Variants in DKK4 observed in about 807,000 individuals in gnomAD.
DKK4 encodes dickkopf Wnt signaling pathway inhibitor 4.
DKK4 carries 15 observed loss-of-function variants against 14.5 expected under a neutral mutation model. That is an observed-to-expected ratio of 1.03 (90% CI 0.69 to 1.59). DKK4 has a LOEUF of 1.59. Among genes scored for constraint, DKK4 ranks in the 40% most tolerant of loss-of-function variants. DKK4 has a pLI of 0.00. For missense variants in DKK4, 272 were observed against 280.3 expected (o/e 0.97, Z 0.21); for synonymous variants, 89 against 105.2 (o/e 0.85, Z 0.94).
chr8:42,375,686 C>T lies in DKK4; in HGVS notation c.256G>A (p.Val86Met), dbSNP rs114758407. 1 of 1,613,406 alleles carries T rather than the reference C, an allele frequency of 6.2e-7. No homozygotes were observed. The highest frequency in any genetic ancestry group is 1.3e-5 in the African/African-American group (1 of 75,010). The part of the protein sequence containing the change: ...DAMCCPGTLC[V>M]NDVCTTMEDA... ...TTGGCGTTATGTCGCTCACCGTTCA[C>T]ACAGAGTGTCCCAGGGCAGCACATG... Residue 86 changes from valine (V) to methionine (M), a missense_variant, in exon 2 of 4, where the codon GTG becomes ATG. Transcript: ENST00000220812.
At chr8:42,383,397 T>A in the DKK4 span, among the ~76,000 whole-genome samples, 4 of 152,264 alleles carry the variant, frequency 2.6e-5, no homozygotes, top group Non-Finnish European at 5.9e-5. Flanking sequence ...ACCAGTGTTC[T>A]GGGAGATTGG....
At chr8:42,379,370 TATATATATAGAGAG>T (rs1395215373), upstream of DKK4, among the ~76,000 whole-genome samples, 7 of 50,934 alleles carry the variant, frequency 1.4e-4, no homozygotes, top group African/African-American at 3.2e-4. Flanking sequence ...TATATATATA[TATATATATAGAGAG>T]AGAGAGAGAG....
chr8:42,381,734 A>C (rs1307235271), upstream of DKK4, among the ~76,000 whole-genome samples: 3 of 152,352 alleles, frequency 2.0e-5, no homozygotes, highest in Non-Finnish European at 2.9e-5. Context: ...GCGGTGGCTC[A>C]CGCCTGTAAT....
chr8:42,384,255 G>A, the DKK4 span, among the ~76,000 whole-genome samples: 52 of 152,204 alleles, frequency 3.4e-4, no homozygotes, highest in Middle Eastern at 6.8e-3. Context: ...TCAAACTCCT[G>A]AGCTCAGCTC....
At chr8:42,387,999 A>G in the DKK4 span, among the ~76,000 whole-genome samples, 1 of 152,148 alleles carries the variant, frequency 6.6e-6, no homozygotes, top group African/African-American at 2.4e-5. Context: ...GGCTCAAGCC[A>G]TCCATCCTTC....
At position 42,374,928 on chromosome 8, in the gene DKK4, G is replaced by T; in HGVS notation, c.263-15C>A. On this transcript the variant is annotated splice_polypyrimidine_tract_variant and intron_variant, in intron 2 of 3. Coordinates refer to ENST00000220812, the MANE Select transcript of DKK4 (RefSeq NM_014420.3). ...AGTACAAACATCTGAGGGACAACCA[G>T]GTGTAACTAGAATTATTAACTTCAA... 6.2e-7 allele frequency: 1 copy of T among 1,613,888 alleles called. No individual in the cohort carries two copies. Among genetic ancestry groups the T allele is most frequent in the Non-Finnish European group, 8.5e-7 (1 of 1,179,870 alleles).
At chr8:42,376,231 C>G (rs1421996127) in intron 1 of DKK4, among the ~76,000 whole-genome samples, 1 of 152,114 alleles carries the variant, frequency 6.6e-6, no homozygotes, top group Non-Finnish European at 1.5e-5. Context: ...ATTTTTTACT[C>G]TAGTGAATCA....
At position 42,375,689 on chromosome 8, in the gene DKK4, A is replaced by C. The variant is rs1404152000; in HGVS notation, c.253T>G (p.Cys85Gly). 6.2e-7 allele frequency: 1 copy of C among 1,613,454 alleles called. No homozygotes were observed. The highest frequency in any genetic ancestry group is 8.5e-7 in the Non-Finnish European group (1 of 1,180,016). The change falls in exon 2 of 4, where the codon TGT becomes GGT. Residue 85 changes from cysteine to glycine, a missense_variant. Transcript: ENST00000220812. ...RDAMCCPGTL[C>G]VNDVCTTMED... ...GCGTTATGTCGCTCACCGTTCACAC[A>C]GAGTGTCCCAGGGCAGCACATGGCA...
At chr8:42,384,067 C>T in the DKK4 span, among the ~76,000 whole-genome samples, 1 of 152,200 alleles carries the variant, frequency 6.6e-6, no homozygotes, top group Non-Finnish European at 1.5e-5. Context: ...TGCCACGCTG[C>T]GGCTGACATG....
At chr8:42,374,533 A>T (rs1158976672) in intron 3 of DKK4, among the ~76,000 whole-genome samples, 174 bp from the exon 4 acceptor site, 1 of 150,408 alleles carries the variant, frequency 6.6e-6, no homozygotes, top group Non-Finnish European at 1.5e-5. Context: ...TGCCATGGCG[A>T]CTCCACCCCT....
upstream of DKK4, among the ~76,000 whole-genome samples, chr8:42,379,436 G>C (rs1824632078): frequency 7.5e-6 from 1 of 133,888 alleles, no homozygotes; most frequent in Non-Finnish European, 1.6e-5. Context: ...GAAAGATTCA[G>C]ACAGAAAACT....
chr8:42,387,374 T>TTTTTTTGG, the DKK4 span, among the ~76,000 whole-genome samples: 1 of 134,828 alleles, frequency 7.4e-6, no homozygotes, highest in Non-Finnish European at 1.5e-5. Flanking sequence ...TTTTTTTTTT[T>TTTTTTTGG]GAGATGGAGT....
At chr8:42,376,099 G>GA (rs1237659937) in intron 1 of DKK4, among the ~76,000 whole-genome samples, 9 of 152,216 alleles carry the variant, frequency 5.9e-5, no homozygotes, top group African/African-American at 1.9e-4. Flanking sequence ...GTGAAAATGG[G>GA]AAAAAATGTT....
chr8:42,389,965 C>T, the DKK4 span, among the ~76,000 whole-genome samples: 1 of 146,820 alleles, frequency 6.8e-6, no homozygotes, highest in African/African-American at 2.7e-5. Context: ...GATCTTGGCT[C>T]ACTGCAACGT....
chr8:42,381,063 C>T (rs764385680), upstream of DKK4, among the ~76,000 whole-genome samples: 2 of 151,876 alleles, frequency 1.3e-5, no homozygotes, highest in East Asian at 3.9e-4. Context: ...AGGTTGGGGG[C>T]CACTTAGGAC....
rs752303033 is a variant in DKK4, at chr8:42,375,670, T to G, written c.262+10A>C. ...GGTTTAAAAACCACTGTTGGCGTTA[T>G]GTCGCTCACCGTTCACACAGAGTGT... On this transcript the variant is annotated intron_variant, in intron 2 of 3. Coordinates refer to ENST00000220812, the MANE Select transcript of DKK4 (RefSeq NM_014420.3). 3 of 1,612,932 alleles carry G rather than the reference T, an allele frequency of 1.9e-6. No individual in the cohort carries two copies. In the Admixed American group the frequency reaches 5.0e-5, roughly 27 times the overall value.
At chr8:42,378,245 A>G (rs567106601), upstream of DKK4, among the ~76,000 whole-genome samples, 5 of 152,350 alleles carry the variant, frequency 3.3e-5, no homozygotes, top group East Asian at 9.6e-4. Flanking sequence ...CTTAGCATAG[A>G]GTCATCTAAA....
chr8:42,378,651 G>T (rs1563415423), upstream of DKK4, among the ~76,000 whole-genome samples: 2 of 152,068 alleles, frequency 1.3e-5, no homozygotes. Flanking sequence ...TCTGCTTCCT[G>T]CTGCCTCACT....
the DKK4 span, among the ~76,000 whole-genome samples, chr8:42,385,161 G>T: frequency 6.6e-6 from 1 of 152,176 alleles, no homozygotes; most frequent in African/African-American, 2.4e-5. Flanking sequence ...GGAGGACAAG[G>T]CAGGAGGATT....
Sources: gnomAD v4.1 joint callset for allele counts (sites outside exome capture counted in the v4.1 genomes callset) on GRCh38, gnomAD v4.1.1 for gene constraint, MANE v1.5 for transcripts, NCBI Gene and HGNC (gene_info 2026-07-23, HGNC 2026-07-21) for gene names.